Variants in PIK3R3 observed in about 807,000 individuals in gnomAD.
PIK3R3 encodes the protein phosphoinositide-3-kinase regulatory subunit 3, also known as phosphatidylinositol 3-kinase regulatory subunit gamma.
Under a neutral mutation model 62.9 loss-of-function variants are expected in PIK3R3, and 64 were observed. That is an observed-to-expected ratio of 1.02 (90% CI 0.83 to 1.25). The LOEUF is 1.25. Among genes scored for constraint, PIK3R3 ranks in the 50% most tolerant of loss-of-function variants. PIK3R3 has a pLI of 0.00. For missense variants in PIK3R3, 614 were observed against 561.6 expected, an observed-to-expected ratio of 1.09 and a Z score of -0.94; for synonymous variants, 165 against 189.0, an observed-to-expected ratio of 0.87 and a Z score of 1.04.
At chr1:46,122,126 CAAT>C (rs1654730818) in intron 1 of PIK3R3, among the ~76,000 whole-genome samples, 1 of 151,746 alleles carries the variant, frequency 6.6e-6, no homozygotes, top group South Asian at 2.1e-4. Context: ...AAAAAGAAAA[CAAT>C]AAGATAACCC....
chr1:46,055,810 C>CG lies in PIK3R3; in HGVS notation c.925dup (p.Arg309ProfsTer25), dbSNP rs765461308. The CG allele has an allele frequency of 4.4e-6, 7 of 1,591,208 alleles. No individual in the cohort carries two copies. The stretch of plus-strand genomic sequence containing the variant: ...GACTACTTACACAAGGTGTTGATCT[C>CG]GGATCTTTCGCAGCTGGATCAGGTC... On this transcript the variant is annotated frameshift_variant, in exon 7 of 10. Transcript: ENST00000262741. LOFTEE classifies it high-confidence loss of function.
rs765610440 is a variant in PIK3R3, at chr1:46,080,716, T to C, written c.141A>G (p.Ser47=). 1 of 1,613,790 alleles carries C rather than the reference T, an allele frequency of 6.2e-7. No individual in the cohort carries two copies. The highest frequency in any genetic ancestry group is 1.3e-5 in the African/African-American group (1 of 75,052). Residue 47 remains serine, a synonymous_variant, in exon 2 of 10, where the codon TCA becomes TCG. Transcript: ENST00000262741. ...LPPKPPKPMT[S]AVPNGMKDSS... ...TGTCCTTCATTCCATTTGGAACTGC[T>C]GAAGTCATTGGCTTAGGTGGCTTTG...
chr1:46,087,962 A>G (rs888356097), intron 1 of PIK3R3, among the ~76,000 whole-genome samples: 2 of 152,238 alleles, frequency 1.3e-5, no homozygotes, highest in African/African-American at 4.8e-5. Flanking sequence ...GAAGGATGGA[A>G]TAGAAGTTAG....
At chr1:46,079,886 G>A (rs889346618) in intron 2 of PIK3R3, among the ~76,000 whole-genome samples, 6 of 141,190 alleles carry the variant, frequency 4.2e-5, no homozygotes, top group Non-Finnish European at 9.7e-5. Context: ...CCCAAGAGGC[G>A]GAGGTTGCAG....
chr1:46,121,623 T>C (rs762783198), intron 1 of PIK3R3, among the ~76,000 whole-genome samples: 5 of 152,050 alleles, frequency 3.3e-5, no homozygotes, highest in African/African-American at 4.8e-5. Flanking sequence ...GGAAAGACTC[T>C]ACCTCTATTT....
the PIK3R3 span, among the ~76,000 whole-genome samples, chr1:46,159,706 C>A: frequency 6.6e-6 from 1 of 151,640 alleles, no homozygotes; most frequent in Non-Finnish European, 1.5e-5. Flanking sequence ...CCCCGTCCTG[C>A]ACCTGGTTCT....
intron 6 of PIK3R3, among the ~76,000 whole-genome samples, chr1:46,058,366 C>T (rs116479355): frequency 0.034 from 5,144 of 152,328 alleles, 291 homozygotes; most frequent in African/African-American, 0.12. Context: ...TACTGGGGCA[C>T]CGCCTAGTGG....
chr1:46,046,495 G>A (rs1226415050), intron 8 of PIK3R3, 56 bp downstream of exon 8: 34 of 1,098,396 alleles, frequency 3.1e-5, no homozygotes, highest in Middle Eastern at 4.0e-4. Flanking sequence ...TAAACAAGGC[G>A]CATGTCTTAT....
At chr1:46,073,913 A>C (rs1649784953) in intron 3 of PIK3R3, among the ~76,000 whole-genome samples, 1 of 147,408 alleles carries the variant, frequency 6.8e-6, no homozygotes, top group Non-Finnish European at 1.5e-5. Flanking sequence ...GGATTACAGG[A>C]GTGAGCCACC....
Position 46,066,160 on chromosome 1 carries a change from T to C in PIK3R3, c.515A>G (p.Asp172Gly), listed in dbSNP as rs1172068260. 2.5e-6 allele frequency: 4 copies of C among 1,578,210 alleles called. No homozygotes were observed. The highest frequency in any genetic ancestry group is 3.5e-6 in the Non-Finnish European group (4 of 1,148,310). ...RYQQDQLVKE[D>G]NIDAVGKKLQ... ...TTTTTTACCTACTGCATCAATATTA[T>C]CTTCTTTTACCAACTGATCCTATAC... Residue 172 changes from aspartate to glycine, a missense_variant, in exon 5 of 10, where the codon GAT becomes GGT. Coordinates refer to ENST00000262741, the MANE Select transcript of PIK3R3 (RefSeq NM_003629.4).
intron 3 of PIK3R3, among the ~76,000 whole-genome samples, chr1:46,071,710 A>ATATAT (rs1394374498): frequency 9.7e-5 from 4 of 41,170 alleles, no homozygotes; most frequent in South Asian, 7.3e-4. Context: ...AAAAAAAAAA[A>ATATAT]AAATATATAT....
intron 1 of PIK3R3, among the ~76,000 whole-genome samples, chr1:46,105,633 C>G (rs138920859): frequency 6.6e-6 from 1 of 152,098 alleles, no homozygotes; most frequent in African/African-American, 2.4e-5. Flanking sequence ...CTAGCCTGGC[C>G]AACACAGCGA....
chr1:46,111,752 G>T (rs1653764641), intron 1 of PIK3R3, among the ~76,000 whole-genome samples: 1 of 151,930 alleles, frequency 6.6e-6, no homozygotes, highest in African/African-American at 2.4e-5. Flanking sequence ...GGCATGTTTT[G>T]GGTCTCTGAG....
At chr1:46,088,772 A>G (rs1010303394) in intron 1 of PIK3R3, among the ~76,000 whole-genome samples, 1 of 152,004 alleles carries the variant, frequency 6.6e-6, no homozygotes, top group Non-Finnish European at 1.5e-5. Context: ...GAAAATGCCC[A>G]CAGAGTATGC....
chr1:46,081,179 G>T (rs1650551767), intron 1 of PIK3R3, among the ~76,000 whole-genome samples: 1 of 152,014 alleles, frequency 6.6e-6, no homozygotes, highest in Admixed American at 6.6e-5. Context: ...TGAAATGATG[G>T]TTATGTTATT....
intron 1 of PIK3R3, among the ~76,000 whole-genome samples, chr1:46,128,819 G>A (rs1254433961): frequency 3.3e-5 from 5 of 152,156 alleles, no homozygotes; most frequent in East Asian, 1.9e-4. Context: ...GGGGTCTCAC[G>A]CCTGTAATCC....
intron 1 of PIK3R3, among the ~76,000 whole-genome samples, chr1:46,119,909 C>CT (rs1182689100): frequency 1.3e-5 from 2 of 151,736 alleles, no homozygotes; most frequent in Admixed American, 6.6e-5. Context: ...TCCCAAGTAG[C>CT]TGGGACTATA....
At chr1:46,071,759 A>AGAGAGAGAGAGAGGGAGAGAGAGAGC (rs777668187) in intron 3 of PIK3R3, among the ~76,000 whole-genome samples, 4 of 100,106 alleles carry the variant, frequency 4.0e-5, no homozygotes. Flanking sequence ...AGAGAGAGAG[A>AGAGAGAGAGAGAGGGAGAGAGAGAGC]GCGCGCGCCT....
the PIK3R3 span, among the ~76,000 whole-genome samples, chr1:46,139,717 G>C: frequency 1.3e-5 from 2 of 152,142 alleles, no homozygotes; most frequent in African/African-American, 4.8e-5. Context: ...CTCTTTCTCA[G>C]CTTCTTCCTG....
Sources: gnomAD v4.1 joint callset for allele counts (sites outside exome capture counted in the v4.1 genomes callset) on GRCh38, gnomAD v4.1.1 for gene constraint, MANE v1.5 for transcripts, NCBI Gene and HGNC (gene_info 2026-07-23, HGNC 2026-07-21) for gene names.